Variants in PRKAR1B observed in about 807,000 individuals in gnomAD.
PRKAR1B encodes protein kinase cAMP-dependent type I regulatory subunit beta, also known as cAMP-dependent protein kinase type I-beta regulatory subunit.
A neutral mutation model predicts 46.5 loss-of-function variants in PRKAR1B; 22 were observed. That is an observed-to-expected ratio of 0.47 (90% CI 0.34 to 0.68). The LOEUF (loss-of-function observed/expected upper bound fraction) is 0.68, where lower values mean the gene tolerates loss of function less well. Ranked by LOEUF, PRKAR1B falls within the 30% of genes least tolerant of loss-of-function variation. PRKAR1B has a pLI of 0.01. For synonymous variants in PRKAR1B, 259 were observed against 217.7 expected (o/e 1.19, Z -1.67); for missense variants, 445 against 535.6 (o/e 0.83, Z 1.67).
At chr7:583,013 G>A (rs906735896) in intron 8 of PRKAR1B, among the ~76,000 whole-genome samples, 1 of 152,164 alleles carries the variant, frequency 6.6e-6, no homozygotes, top group Non-Finnish European at 1.5e-5. Context: ...TCCCGAGCAG[G>A]CAAATAATCC....
chr7:680,521 C>T, intron 3 of PRKAR1B, 35 bp downstream of exon 3: 2 of 1,577,968 alleles, frequency 1.3e-6, no homozygotes, highest in South Asian at 2.3e-5. Context: ...GTGCCGAGGC[C>T]TGGGGACAGG....
Position 600,772 on chromosome 7 carries a change from C to G in PRKAR1B, c.550-4468G>C, listed in dbSNP as rs548857001. Among the ~76,000 whole-genome samples, 180 of 152,302 alleles carry G rather than the reference C, an allele frequency of 1.2e-3. 1 individual carries two copies. The highest frequency in any genetic ancestry group is 4.0e-3 in the African/African-American group (166 of 41,560). ...GCCCAAAAACAATCAGGGGAAGAGT[C>G]GAGCCCCAAACAGGGCTTGGAAGGG... On this transcript the variant is annotated intron_variant, in intron 6 of 10. Transcript: ENST00000537384.
In PRKAR1B at chr7:673,076, A is replaced by AAAC. The variant is rs1554301102; in HGVS notation, c.440+4150_440+4152dup. On this transcript the variant is annotated intron_variant, in intron 4 of 10. Coordinates refer to ENST00000537384, the MANE Select transcript of PRKAR1B (RefSeq NM_001164760.2). ...AAAAAAAAAAAAAAAAAAAAAAAAA[A>AAAC]AACACACACACACAGAATGGACAGC... Among the ~76,000 whole-genome samples, 574 of 144,942 alleles carry AAAC rather than the reference A, an allele frequency of 4.0e-3. 8 individuals carry two copies. Among genetic ancestry groups the AAAC allele is most frequent in the Middle Eastern group, 0.019 (5 of 270 alleles).
chr7:559,071 C>T (rs1778625244), intron 9 of PRKAR1B, among the ~76,000 whole-genome samples: 1 of 152,244 alleles, frequency 6.6e-6, no homozygotes, highest in Non-Finnish European at 1.5e-5. Flanking sequence ...GTTTATTCTT[C>T]CAGGCTCGCC....
At chr7:702,889 A>G (rs1158382206) in intron 2 of PRKAR1B, among the ~76,000 whole-genome samples, 1 of 151,640 alleles carries the variant, frequency 6.6e-6, no homozygotes, top group Non-Finnish European at 1.5e-5. Context: ...TATATACTAT[A>G]CTATATATAC....
At chr7:699,060 G>A (rs1349325257) in intron 2 of PRKAR1B, among the ~76,000 whole-genome samples, 1 of 152,200 alleles carries the variant, frequency 6.6e-6, no homozygotes, top group Non-Finnish European at 1.5e-5. Flanking sequence ...CAGAAGGGGG[G>A]GTTCCACCAT....
rs1473701695 is a variant in PRKAR1B, at chr7:699,927, A to T, written c.177+11402T>A. ...TATGGAAAATGGAGCTCGAGGCCCGATGGGAAGCAGAGAGGCTGCTGCAGT... is the reference window on the plus strand; with the variant it reads ...TATGGAAAATGGAGCTCGAGGCCCGTTGGGAAGCAGAGAGGCTGCTGCAGT... On this transcript the variant is annotated intron_variant, in intron 2 of 10. Coordinates refer to ENST00000537384, the MANE Select transcript of PRKAR1B (RefSeq NM_001164760.2). Among the ~76,000 whole-genome samples the T allele has an allele frequency of 2.6e-5, 4 of 152,140 alleles. 1 individual carries two copies. Among genetic ancestry groups the T allele is most frequent in the African/African-American group, 9.7e-5 (4 of 41,438 alleles).
chr7:582,785 G>A (rs1166463129), intron 8 of PRKAR1B, among the ~76,000 whole-genome samples: 2 of 152,226 alleles, frequency 1.3e-5, no homozygotes, highest in Non-Finnish European at 2.9e-5. Flanking sequence ...ACCAGGGGCC[G>A]GACCACCCAG....
chr7:603,730 T>C (rs13309062), intron 6 of PRKAR1B, among the ~76,000 whole-genome samples: 2,644 of 56,218 alleles, frequency 0.047, 95 homozygotes, highest in African/African-American at 0.088. Context: ...GACACCAGGA[T>C]CCAGAGTGGA....
chr7:652,512 G>T (rs542717060), intron 4 of PRKAR1B, among the ~76,000 whole-genome samples: 143 of 151,852 alleles, frequency 9.4e-4, no homozygotes, highest in Non-Finnish European at 1.9e-3. Context: ...ACAGTGCTAG[G>T]AACCTGGGGA....
At chr7:627,249 C>T (rs973127006) in intron 4 of PRKAR1B, among the ~76,000 whole-genome samples, 1 of 152,204 alleles carries the variant, frequency 6.6e-6, no homozygotes, top group African/African-American at 2.4e-5. Context: ...CTCAGCCTCT[C>T]AAAGTGCTGG....
intron 1 of PRKAR1B, among the ~76,000 whole-genome samples, chr7:720,935 C>A (rs1207581424): frequency 6.6e-6 from 1 of 152,162 alleles, no homozygotes; most frequent in Admixed American, 6.5e-5. Context: ...TGTGTTTAGG[C>A]CATTTACATT....
intron 7 of PRKAR1B, among the ~76,000 whole-genome samples, chr7:585,602 AAGG>A (rs1780552014): frequency 6.6e-6 from 1 of 152,008 alleles, no homozygotes; most frequent in African/African-American, 2.4e-5. Context: ...GGTGTGGAGA[AAGG>A]AGGGAGGAGG....
At chr7:615,956 T>C (rs1208993576) in intron 4 of PRKAR1B, among the ~76,000 whole-genome samples, 1 of 92,028 alleles carries the variant, frequency 1.1e-5, no homozygotes, top group Admixed American at 1.0e-4. Context: ...GAAAGAAAAA[T>C]AAAAAAAGAA....
intron 9 of PRKAR1B, among the ~76,000 whole-genome samples, chr7:570,643 G>A (rs551808482): frequency 6.6e-6 from 1 of 152,254 alleles, no homozygotes; most frequent in South Asian, 2.1e-4. Flanking sequence ...ACGGCCCTCG[G>A]CAAAGCAGCT....
chr7:559,091 T>C (rs1015926361), intron 9 of PRKAR1B, among the ~76,000 whole-genome samples: 2 of 152,332 alleles, frequency 1.3e-5, no homozygotes, highest in African/African-American at 4.8e-5. Flanking sequence ...CTTCAGTCAC[T>C]CGTCTACTGC....
At chr7:631,979 G>C (rs1400307021) in intron 4 of PRKAR1B, among the ~76,000 whole-genome samples, 4 of 151,632 alleles carry the variant, frequency 2.6e-5, no homozygotes, top group Non-Finnish European at 4.4e-5. Flanking sequence ...AGCGGGAGGA[G>C]AGCACCTTGT....
intron 6 of PRKAR1B, among the ~76,000 whole-genome samples, chr7:601,822 C>T (rs1029661000): frequency 1.3e-5 from 2 of 152,076 alleles, no homozygotes; most frequent in African/African-American, 4.8e-5. Context: ...GGGGCTCAGA[C>T]ATCCTGGCTC....
intron 4 of PRKAR1B, among the ~76,000 whole-genome samples, chr7:623,118 G>A (rs1420304350): frequency 1.3e-5 from 2 of 152,222 alleles, no homozygotes; most frequent in Non-Finnish European, 2.9e-5. Flanking sequence ...ATCCTGGCTT[G>A]TGTTTAGCCT....
Sources: gnomAD v4.1 joint callset for allele counts (sites outside exome capture counted in the v4.1 genomes callset) on GRCh38, gnomAD v4.1.1 for gene constraint, MANE v1.5 for transcripts, NCBI Gene and HGNC (gene_info 2026-07-23, HGNC 2026-07-21) for gene names.